Variants in GTF2E2 observed in about 807,000 individuals in gnomAD.
The protein encoded by GTF2E2 is transcription initiation factor IIE subunit beta.
Under a neutral mutation model 40.5 loss-of-function variants are expected in GTF2E2, and 21 were observed. That is an observed-to-expected ratio of 0.52 (90% CI 0.37 to 0.75). The LOEUF (loss-of-function observed/expected upper bound fraction) is 0.75, where lower values mean the gene tolerates loss of function less well. Among genes scored for constraint, GTF2E2 ranks in the 30% least tolerant of loss-of-function variants. The pLI, the probability that GTF2E2 is intolerant of heterozygous loss-of-function variation, is 0.00. For synonymous variants in GTF2E2, 117 were observed against 121.6 expected (o/e 0.96, Z 0.25); for missense variants, 298 against 338.4 (o/e 0.88, Z 0.94).
intron 2 of GTF2E2, among the ~76,000 whole-genome samples, chr8:30,652,956 C>G (rs1231002244): frequency 8.5e-5 from 13 of 152,064 alleles, no homozygotes; most frequent in Admixed American, 7.9e-4. Context: ...AAACAACACA[C>G]AAAAGACCAC....
chr8:30,587,294 T>A (rs1828710232), intron 6 of GTF2E2, among the ~76,000 whole-genome samples: 2 of 152,142 alleles, frequency 1.3e-5, no homozygotes, highest in South Asian at 4.2e-4. Flanking sequence ...ATATCTGCAG[T>A]CCCAGCTACT....
intron 2 of GTF2E2, among the ~76,000 whole-genome samples, chr8:30,648,578 G>C (rs1024502507): frequency 2.0e-5 from 3 of 152,212 alleles, no homozygotes; most frequent in Non-Finnish European, 2.9e-5. Context: ...TGGCCAATGA[G>C]TGACTTGTGA....
chr8:30,583,524 C>T (rs111415692), intron 6 of GTF2E2, among the ~76,000 whole-genome samples: 7,040 of 152,098 alleles, frequency 0.046, 247 homozygotes, highest in Non-Finnish European at 0.065. Flanking sequence ...GGACTACAGG[C>T]ACATACCACC....
chr8:30,650,196 C>T (rs1304347741), intron 2 of GTF2E2, among the ~76,000 whole-genome samples: 1 of 152,088 alleles, frequency 6.6e-6, no homozygotes, highest in Non-Finnish European at 1.5e-5. Context: ...GAAATACCAG[C>T]AAATTGAGTA....
At chr8:30,628,204 A>T (rs1384864477) in intron 3 of GTF2E2, among the ~76,000 whole-genome samples, 4 of 152,220 alleles carry the variant, frequency 2.6e-5, no homozygotes, top group African/African-American at 9.6e-5. Flanking sequence ...CCCAACTGAG[A>T]ACAAGTAAGT....
chr8:30,624,747 T>C lies in GTF2E2; in HGVS notation c.259-10032A>G, dbSNP rs1170350865. Among the ~76,000 whole-genome samples, 34 of 152,100 alleles carry C rather than the reference T, an allele frequency of 2.2e-4. 1 individual carries two copies. Among genetic ancestry groups the C allele is most frequent in the Non-Finnish European group, 3.5e-4 (24 of 67,998 alleles). On this transcript the variant is annotated intron_variant, in intron 3 of 7. Coordinates refer to ENST00000355904, the MANE Select transcript of GTF2E2 (RefSeq NM_002095.6). ...CTTCACATCCCTTGTAAGTTGGATT[T>C]CTAGGTATTTTATTCTCTTTGAAGC...
chr8:30,580,438 C>A (rs1828485954), intron 6 of GTF2E2, 42 bp from the exon 7 acceptor site: 3 of 1,055,420 alleles, frequency 2.8e-6, no homozygotes, highest in Admixed American at 1.7e-5. Context: ...TCCATTTTTA[C>A]AAACTATAGC....
At chr8:30,629,261 C>A (rs2151142985) in intron 3 of GTF2E2, among the ~76,000 whole-genome samples, 1 of 152,272 alleles carries the variant, frequency 6.6e-6, no homozygotes, top group African/African-American at 2.4e-5. Context: ...TGGACCAGAA[C>A]TGTGTCTATG....
chr8:30,637,622 C>T (rs1326630591), intron 2 of GTF2E2, among the ~76,000 whole-genome samples: 1 of 152,130 alleles, frequency 6.6e-6, no homozygotes, highest in Non-Finnish European at 1.5e-5. Context: ...CATTCGGGTT[C>T]AAGCAATTCT....
intron 2 of GTF2E2, among the ~76,000 whole-genome samples, chr8:30,635,349 C>A (rs1801563962): frequency 6.6e-6 from 1 of 151,898 alleles, no homozygotes; most frequent in Admixed American, 6.6e-5. Context: ...AACACCAAAC[C>A]ACAATTCTTT....
At chr8:30,647,345 C>CCGAA (rs1487582776) in intron 2 of GTF2E2, among the ~76,000 whole-genome samples, 3 of 152,098 alleles carry the variant, frequency 2.0e-5, no homozygotes, top group African/African-American at 7.2e-5. Context: ...GTTTGCAAGG[C>CCGAA]CGAGGCAGGT....
chr8:30,612,663 C>G (rs958922656), intron 4 of GTF2E2, among the ~76,000 whole-genome samples, 182 bp from the exon 5 acceptor site: 3 of 152,110 alleles, frequency 2.0e-5, no homozygotes, highest in African/African-American at 7.2e-5. Flanking sequence ...CTCCTGCCTC[C>G]CTCCCTCTCA....
At chr8:30,585,772 TAAAAAAAAAAAAAAAA>T (rs146018850) in intron 6 of GTF2E2, among the ~76,000 whole-genome samples, 2 of 67,620 alleles carry the variant, frequency 3.0e-5, no homozygotes, top group African/African-American at 5.9e-5. Flanking sequence ...CTTTGCCCTT[TAAAAAAAAAAAAAAAA>T]AAAAAAAAAA....
At chr8:30,620,758 G>A (rs191662066) in intron 3 of GTF2E2, among the ~76,000 whole-genome samples, 35 of 148,784 alleles carry the variant, frequency 2.4e-4, no homozygotes, top group East Asian at 1.6e-3. Flanking sequence ...ATGAAACCTC[G>A]ACTCCACAAA....
At chr8:30,583,679 C>T (rs1046544799) in intron 6 of GTF2E2, among the ~76,000 whole-genome samples, 1 of 152,182 alleles carries the variant, frequency 6.6e-6, no homozygotes, top group Non-Finnish European at 1.5e-5. Flanking sequence ...TGTGCCCAAC[C>T]TCCAACTTGT....
At chr8:30,637,428 T>C (rs1041368811) in intron 2 of GTF2E2, among the ~76,000 whole-genome samples, 18 of 152,198 alleles carry the variant, frequency 1.2e-4, no homozygotes, top group African/African-American at 3.4e-4. Context: ...CAATAAATAT[T>C]TGTTGAATGA....
At chr8:30,646,622 T>C (rs549379823) in intron 2 of GTF2E2, among the ~76,000 whole-genome samples, 12 of 152,082 alleles carry the variant, frequency 7.9e-5, no homozygotes, top group Non-Finnish European at 1.2e-4. Context: ...TTACTCAAAA[T>C]AACAAAAAAT....
intron 2 of GTF2E2, chr8:30,645,264 T>G: frequency 2.0e-6 from 3 of 1,493,592 alleles, no homozygotes; most frequent in Non-Finnish European, 2.7e-6. Context: ...TAAATTCATT[T>G]TCTACCTTTT....
chr8:30,591,873 C>G (rs1828860592), intron 6 of GTF2E2, among the ~76,000 whole-genome samples: 1 of 151,924 alleles, frequency 6.6e-6, no homozygotes, highest in Admixed American at 6.6e-5. Flanking sequence ...TGGAAAAACC[C>G]AAATATCCAT....
Sources: allele counts gnomAD v4.1 joint callset (sites outside exome capture counted in the v4.1 genomes callset), GRCh38; gene constraint gnomAD v4.1.1; transcripts MANE v1.5; gene names NCBI Gene and HGNC (gene_info 2026-07-23, HGNC 2026-07-21).